SMARCA2: variants seen among roughly 807,000 people sequenced by gnomAD.
SMARCA2 encodes SWI/SNF related BAF chromatin remodeling complex subunit ATPase 2.
A neutral mutation model predicts 199.8 loss-of-function variants in SMARCA2; 61 were observed. The ratio of observed to expected loss-of-function variants is 0.31; its 90% CI spans 0.25 to 0.38. SMARCA2 has a LOEUF of 0.38. Ranked by LOEUF, SMARCA2 falls within the 10% of genes least tolerant of loss-of-function variation. The probability of loss-of-function intolerance (pLI) is 1.00; values close to 1 mark genes in which losing one functional copy is unlikely to be tolerated. For synonymous variants in SMARCA2, 935 were observed against 732.0 expected, an observed-to-expected ratio of 1.28 and a Z score of -4.48; for missense variants, 1,344 against 2,012.2, an observed-to-expected ratio of 0.67 and a Z score of 6.35.
At chr9:2,143,525 T>C (rs745330452) in intron 27 of SMARCA2, among the ~76,000 whole-genome samples, 1 of 152,184 alleles carries the variant, frequency 6.6e-6, no homozygotes, top group Non-Finnish European at 1.5e-5. Context: ...AGGGAGGCCA[T>C]TTAAATGTGA....
chr9:2,056,858 T>TG lies in SMARCA2; in HGVS notation c.1347+16dup. 2 of 1,607,254 alleles carry TG rather than the reference T, an allele frequency of 1.2e-6. No individual in the cohort carries two copies. The highest frequency in any genetic ancestry group is 2.2e-5 in the South Asian group (2 of 90,634). ...TCAGAAACACCAGGTTCTTAGACCCTGGGCTTTGCTCACCCTCACTTTGGC... is the reference window on the plus strand; with the variant it reads ...TCAGAAACACCAGGTTCTTAGACCCTGGGGCTTTGCTCACCCTCACTTTGGC... On this transcript the variant is annotated intron_variant, in intron 7 of 33. Transcript: ENST00000349721. This position sits in a 1 kb window ranked among gnomAD's most constrained non-coding sequence, Gnocchi z 4.0.
chr9:2,060,236 A>T (rs1382997704), intron 8 of SMARCA2, among the ~76,000 whole-genome samples: 1 of 151,836 alleles, frequency 6.6e-6, no homozygotes, highest in African/African-American at 2.4e-5. Context: ...ATTATTTGTT[A>T]AAAGCCCATT....
rs1011175336 is a variant in SMARCA2 at position 2,039,351 on chromosome 9, C to T, written c.356-115C>T. On this transcript the variant is annotated intron_variant, in intron 3 of 33. Transcript: ENST00000349721. The surrounding 1 kb of genome is among the most constrained non-coding windows in gnomAD (Gnocchi z 4.8). ...TCCATATAATTAATAAATGATATGT[C>T]ATTCAAATTTCTGTCAGACAGTGTT... 2 of 890,942 alleles carry T rather than the reference C, an allele frequency of 2.2e-6. No homozygotes were observed. Among genetic ancestry groups the T allele is most frequent in the African/African-American group, 3.4e-5 (2 of 59,034 alleles). 55.2% of individuals were successfully genotyped at this position (890,942 alleles called of 1,614,324 possible).
intron 27 of SMARCA2, among the ~76,000 whole-genome samples, chr9:2,135,608 CTT>C (rs1824159473): frequency 6.6e-6 from 1 of 152,214 alleles, no homozygotes; most frequent in African/African-American, 2.4e-5. Flanking sequence ...GTGGTGCAAT[CTT>C]GGCTCACTGC....
intron 1 of SMARCA2, among the ~76,000 whole-genome samples, chr9:2,023,425 T>C (rs1037803376): frequency 1.3e-5 from 2 of 152,182 alleles, no homozygotes; most frequent in African/African-American, 4.8e-5. Flanking sequence ...TTAAAAAACA[T>C]ATTTGACTTT....
At chr9:2,164,336 A>G (rs1400075738) in intron 28 of SMARCA2, among the ~76,000 whole-genome samples, 1 of 126,240 alleles carries the variant, frequency 7.9e-6, no homozygotes, top group Non-Finnish European at 1.8e-5. Flanking sequence ...TAGAGTACAG[A>G]CTCTTGTCTG....
chr9:2,073,686 C>T lies in SMARCA2; in HGVS notation c.1935+63C>T, dbSNP rs1351557793. The T allele has an allele frequency of 7.0e-6, 9 of 1,292,218 alleles. No homozygotes were observed. The East Asian group carries it at 2.1e-4, about 30-fold the overall frequency. The allele number at this position is 1,292,218 out of a possible 1,614,324, so 80.0% of individuals were successfully genotyped here. A position where few individuals can be genotyped will look rare whatever the true frequency, so the allele number is the denominator to read the frequency against. ...AAGTTATCAGAGGAAGAAATTCTTC[C>T]TGAATGTAAGCCCGGGCCTTGGGTC... On this transcript the variant is annotated intron_variant, in intron 12 of 33. Coordinates refer to ENST00000349721, the MANE Select transcript of SMARCA2 (RefSeq NM_003070.5).
At chr9:2,044,517 A>G (rs1819751226) in intron 4 of SMARCA2, 1 of 152,238 alleles carries the variant, frequency 6.6e-6, no homozygotes, top group Admixed American at 6.5e-5. Context: ...AGGCTTCTTT[A>G]TCTCCCTGTC....
intron 20 of SMARCA2, 24 bp from the exon 21 acceptor site, chr9:2,097,361 T>C: frequency 6.9e-7 from 1 of 1,442,078 alleles, no homozygotes; most frequent in Non-Finnish European, 9.7e-7. Flanking sequence ...TTAATTCTAT[T>C]TTTCCCTTTC....
chr9:2,178,387 C>T (rs950776776), intron 29 of SMARCA2, among the ~76,000 whole-genome samples: 2 of 152,088 alleles, frequency 1.3e-5, no homozygotes, highest in Admixed American at 6.5e-5. Context: ...GAGGGGGTCT[C>T]ATTTTTGTCT....
intron 19 of SMARCA2, among the ~76,000 whole-genome samples, chr9:2,095,583 A>T (rs1289767368): frequency 1.3e-5 from 2 of 152,166 alleles, no homozygotes; most frequent in Non-Finnish European, 2.9e-5. Context: ...CCTTTTCTGT[A>T]AAAGAGCGGG....
intron 13 of SMARCA2, 73 bp from the exon 14 acceptor site, chr9:2,077,556 A>G: frequency 6.7e-7 from 1 of 1,491,264 alleles, no homozygotes; most frequent in East Asian, 2.3e-5. Flanking sequence ...TTCTCAAATC[A>G]TTTTTTGAGT....
At chr9:2,100,795 A>G (rs1423640545) in intron 21 of SMARCA2, among the ~76,000 whole-genome samples, 1 of 152,136 alleles carries the variant, frequency 6.6e-6, no homozygotes, top group African/African-American at 2.4e-5. Flanking sequence ...TCCACAATAC[A>G]TATTGTATTA....
intron 24 of SMARCA2, among the ~76,000 whole-genome samples, chr9:2,111,506 A>G (rs1016320038): frequency 1.3e-5 from 2 of 151,194 alleles, no homozygotes; most frequent in Admixed American, 6.6e-5. Context: ...AAAAAAAAAA[A>G]AAAAGAAAAG....
intron 27 of SMARCA2, among the ~76,000 whole-genome samples, chr9:2,124,173 AT>A (rs1823587578): frequency 6.6e-6 from 1 of 152,174 alleles, no homozygotes; most frequent in African/African-American, 2.4e-5. Flanking sequence ...AATATGCAGG[AT>A]TTTTTGCTAG....
At chr9:2,182,905 C>G (rs965043862) in intron 31 of SMARCA2, among the ~76,000 whole-genome samples, 1 of 152,116 alleles carries the variant, frequency 6.6e-6, no homozygotes, top group East Asian at 1.9e-4. Context: ...ATTTTCCTGC[C>G]TTAGCCTCCT....
Position 2,039,569 on chromosome 9 carries a change from G to A in SMARCA2, c.459G>A (p.Pro153=), listed in dbSNP as rs375996388. The A allele has an allele frequency of 4.9e-5, 79 of 1,614,102 alleles. No homozygotes were observed. In the African/African-American group the frequency reaches 6.5e-4, roughly 13 times the overall value. ...CACCTCAGATGCCACCAAGCCAGCC[G>A]GGGGCCCTCATCCCAGGTGATCCGC... The part of the protein sequence containing the change: ...PTPPQMPPSQ[P]GALIPGDPQA... The change falls in exon 4 of 34, where the codon CCG becomes CCA. Residue 153 remains proline (P), a synonymous_variant. Coordinates refer to ENST00000349721, the MANE Select transcript of SMARCA2 (RefSeq NM_003070.5). The surrounding 1 kb of genome is among the most constrained non-coding windows in gnomAD (Gnocchi z 4.8).
At chr9:2,028,350 T>C (rs16936755) in intron 1 of SMARCA2, among the ~76,000 whole-genome samples, 6 of 114,382 alleles carry the variant, frequency 5.2e-5, no homozygotes, top group Non-Finnish European at 1.1e-4. Flanking sequence ...TTTTCACACA[T>C]GTCATTGCAT....
chr9:2,080,781 G>T (rs1253517615), intron 14 of SMARCA2, among the ~76,000 whole-genome samples: 1 of 152,118 alleles, frequency 6.6e-6, no homozygotes, highest in Non-Finnish European at 1.5e-5. Context: ...AAAAATTCTT[G>T]TCAATACAGT....
Sources: allele counts gnomAD v4.1 joint callset (sites outside exome capture counted in the v4.1 genomes callset), GRCh38; gene constraint gnomAD v4.1.1; non-coding constraint Gnocchi (gnomAD v3.1); transcripts MANE v1.5; gene names NCBI Gene and HGNC (gene_info 2026-07-23, HGNC 2026-07-21).